Variants in SPINT3 observed in about 807,000 individuals in gnomAD.
SPINT3 encodes the protein serine peptidase inhibitor, Kunitz type 3, also known as kunitz-type protease inhibitor 3.
A neutral mutation model predicts 3.3 loss-of-function variants in SPINT3; 4 were observed. That is an observed-to-expected ratio of 1.22 (90% CI 0.60 to 2.79). SPINT3 has a LOEUF of 2.79. Ranked by LOEUF, SPINT3 falls within the 30% of genes most tolerant of loss-of-function variation. SPINT3 has a pLI of 0.01. For synonymous variants in SPINT3, 30 were observed against 38.6 expected (o/e 0.78, Z 0.83); for missense variants, 97 against 104.3 (o/e 0.93, Z 0.31).
chr20:45,513,733 C>G (rs1978800220), intron 1 of SPINT3, among the ~76,000 whole-genome samples: 1 of 152,206 alleles, frequency 6.6e-6, no homozygotes, highest in African/African-American at 2.4e-5. Context: ...TTTCTGTCAC[C>G]ATGTGGGCAG....
intron 1 of SPINT3, among the ~76,000 whole-genome samples, chr20:45,514,594 A>G (rs1389241280): frequency 6.6e-6 from 1 of 152,184 alleles, no homozygotes; most frequent in Non-Finnish European, 1.5e-5. Context: ...AGTATGCGTC[A>G]GAATCATCTA....
Position 45,515,609 on chromosome 20 carries a change from G to A in SPINT3, c.-1C>T, listed in dbSNP as rs145507846. The stretch of plus-strand genomic sequence containing the variant: ...ACGAGAGAGAGGCCTGAAGCTGCAT[G>A]GTGCCACTCAGCCAGTGGCTCAGCC... On this transcript the variant is annotated 5_prime_UTR_variant, in exon 1 of 2. Transcript: ENST00000217428. The A allele has an allele frequency of 4.1e-4, 636 of 1,551,422 alleles. No individual in the cohort carries two copies. In the African/African-American group the frequency reaches 7.6e-3, roughly 19 times the overall value.
chr20:45,515,474 A>ACCCCCCCC, intron 1 of SPINT3, 59 bp downstream of exon 1: 7 of 1,091,446 alleles, frequency 6.4e-6, no homozygotes, highest in Admixed American at 2.3e-5. Context: ...CTCCCCCACC[A>ACCCCCCCC]CCCCGCCCCC....
intron 1 of SPINT3, among the ~76,000 whole-genome samples, chr20:45,515,280 C>T (rs529579396): frequency 6.2e-4 from 94 of 152,248 alleles, no homozygotes; most frequent in African/African-American, 2.2e-3. Context: ...TATTGTATGT[C>T]TCTCTCCCAT....
Position 45,512,847 on chromosome 20 carries a change from G to A in SPINT3, c.77-3C>T, listed in dbSNP as rs2145526932. On this transcript the variant is annotated splice_region_variant and splice_polypyrimidine_tract_variant and intron_variant, in intron 1 of 1. Transcript: ENST00000217428. ...TGGGAGGAGATCCTTGATAGTGTCT[G>A]AAGAGAGAAAGTGGTTGAAGGAGAC... 2 of 1,550,746 alleles carry A rather than the reference G, an allele frequency of 1.3e-6. No individual in the cohort carries two copies. Among genetic ancestry groups the A allele is most frequent in the East Asian group, 4.9e-5 (2 of 40,896 alleles).
intron 1 of SPINT3, 46 bp downstream of exon 1, chr20:45,515,485 CAG>C: frequency 7.4e-6 from 11 of 1,482,002 alleles, no homozygotes; most frequent in East Asian, 2.5e-5. Context: ...CCCCGCCCCC[CAG>C]CCTGATTCCC....
Position 45,512,611 on chromosome 20 carries a change from C to G in SPINT3, c.*40G>C. 1 of 1,539,586 alleles carries G rather than the reference C, an allele frequency of 6.5e-7. No homozygotes were observed. Among genetic ancestry groups the G allele is most frequent in the Non-Finnish European group, 8.8e-7 (1 of 1,138,918 alleles). ...CAAATGCCTTCTATGGCCCTCAGAG[C>G]AATCCCGAATCCATGGAGGGCTGTG... On this transcript the variant is annotated 3_prime_UTR_variant, in exon 2 of 2. Transcript: ENST00000217428.
intron 1 of SPINT3, among the ~76,000 whole-genome samples, chr20:45,513,063 A>G (rs1978781077): frequency 6.6e-6 from 1 of 152,218 alleles, no homozygotes; most frequent in South Asian, 2.1e-4. Context: ...CATAGGCTTG[A>G]GAATATAACT....
Position 45,515,491 on chromosome 20 carries a change from G to A in SPINT3, c.76+42C>T, listed in dbSNP as rs142363498. On this transcript the variant is annotated intron_variant, in intron 1 of 1. Coordinates refer to ENST00000217428, the MANE Select transcript of SPINT3 (RefSeq NM_006652.2). ...CCCCCACCACCCCGCCCCCCAGCCT[G>A]ATTCCCAGTCTATTCTTTGAGATCC... 79 of 1,498,168 alleles carry A rather than the reference G, an allele frequency of 5.3e-5. No individual in the cohort carries two copies. The African/African-American group carries it at 9.7e-4, about 18-fold the overall frequency. The allele number at this position is 1,498,168 out of a possible 1,614,324, so 92.8% of individuals were successfully genotyped here.
intron 1 of SPINT3, among the ~76,000 whole-genome samples, chr20:45,513,350 G>A (rs542352362): frequency 2.6e-5 from 4 of 152,164 alleles, no homozygotes; most frequent in African/African-American, 9.7e-5. Context: ...GTTCAAACTT[G>A]TCTCAATTAT....
At chr20:45,513,741 C>T (rs1978800935) in intron 1 of SPINT3, among the ~76,000 whole-genome samples, 2 of 152,206 alleles carry the variant, frequency 1.3e-5, no homozygotes, top group Non-Finnish European at 2.9e-5. Flanking sequence ...ACCATGTGGG[C>T]AGTTTTACTC....
rs931700685 is a variant in SPINT3, at chr20:45,515,425, C to T, written c.76+108G>A. 6.6e-5 allele frequency: 60 copies of T among 910,160 alleles called. 1 individual carries two copies. The highest frequency in any genetic ancestry group is 2.8e-4 in the South Asian group (18 of 65,346). 56.4% of individuals were successfully genotyped at this position (910,160 alleles called of 1,614,324 possible). On this transcript the variant is annotated intron_variant, in intron 1 of 1. Transcript: ENST00000217428. ...AATTGAACTGAATTGACTCTCAATC[C>T]GGTAAGGTAAGAAATGGGCTCTGTT...
intron 1 of SPINT3, 61 bp downstream of exon 1, chr20:45,515,472 C>A: frequency 3.6e-6 from 5 of 1,370,498 alleles, no homozygotes; most frequent in East Asian, 2.6e-5. Context: ...ACCTCCCCCA[C>A]CACCCCGCCC....
chr20:45,512,489 GCA>G lies in SPINT3; in HGVS notation c.*160_*161del. 1 of 658,592 alleles carries G rather than the reference GCA, an allele frequency of 1.5e-6. No homozygotes were observed. The highest frequency in any genetic ancestry group is 2.1e-5 in the South Asian group (1 of 47,766). 40.8% of individuals were successfully genotyped at this position (658,592 alleles called of 1,614,324 possible). On this transcript the variant is annotated 3_prime_UTR_variant, in exon 2 of 2. Transcript: ENST00000217428. ...GATTGCAACATTTATAGAATTTCAG[GCA>G]CAGAGATGAAGCACTTGTAGGAGCA...
In SPINT3 at chr20:45,512,815, A is replaced by G. The variant is rs1978773227; in HGVS notation, c.106T>C (p.Cys36Arg). Residue 36 changes from cysteine (C) to arginine (R), a missense_variant, in exon 2 of 2, where the codon TGC (cysteine) becomes CGC (arginine). Coordinates refer to ENST00000217428, the MANE Select transcript of SPINT3 (RefSeq NM_006652.2). ...DTIKDLLPNV[C>R]AFPMEKGPCQ... ...GGGCCCTTTTCCATAGGAAAAGCGCATACATTTGGGAGGAGATCCTTGATA... is the reference window on the plus strand; with the variant it reads ...GGGCCCTTTTCCATAGGAAAAGCGCGTACATTTGGGAGGAGATCCTTGATA... 6.4e-7 allele frequency: 1 copy of G among 1,551,706 alleles called. No homozygotes were observed. Among genetic ancestry groups the G allele is most frequent in the Non-Finnish European group, 8.7e-7 (1 of 1,146,986 alleles).
chr20:45,514,893 C>T (rs148710981), intron 1 of SPINT3, among the ~76,000 whole-genome samples: 2,198 of 152,306 alleles, frequency 0.014, 98 homozygotes, highest in Admixed American at 0.1. Context: ...GATAATTTTT[C>T]ACCTTCTTTC....
chr20:45,514,711 A>G (rs1978825702), intron 1 of SPINT3, among the ~76,000 whole-genome samples: 1 of 152,182 alleles, frequency 6.6e-6, no homozygotes. Flanking sequence ...AGACTAGGGG[A>G]CAAACTCGAG....
chr20:45,514,783 A>G (rs1978827225), intron 1 of SPINT3, among the ~76,000 whole-genome samples: 1 of 152,236 alleles, frequency 6.6e-6, no homozygotes, highest in Admixed American at 6.5e-5. Context: ...AGAATCTATC[A>G]TTAATAGCTC....
chr20:45,513,873 G>A (rs903320565), intron 1 of SPINT3, among the ~76,000 whole-genome samples: 4 of 152,212 alleles, frequency 2.6e-5, no homozygotes, highest in Non-Finnish European at 5.9e-5. Context: ...AGCATGGTTC[G>A]ACTGCAAAGG....
Sources: allele counts gnomAD v4.1 joint callset (sites outside exome capture counted in the v4.1 genomes callset), GRCh38; gene constraint gnomAD v4.1.1; transcripts MANE v1.5; gene names NCBI Gene and HGNC (gene_info 2026-07-23, HGNC 2026-07-21).